The following CSMD3 variants were observed in gnomAD, a reference collection of about 807,000 sequenced individuals.
The protein encoded by CSMD3 is CUB and Sushi multiple domains 3, also known as CUB and sushi domain-containing protein 3.
In CSMD3, 177 loss-of-function variants were observed where a neutral mutation model predicts 435.2. That is an observed-to-expected ratio of 0.41 (90% CI 0.36 to 0.46). The LOEUF is 0.46. Among genes scored for constraint, CSMD3 ranks in the 20% least tolerant of loss-of-function variants. The pLI, the probability that CSMD3 is intolerant of heterozygous loss-of-function variation, is 0.34. For missense variants in CSMD3, 4,265 were observed against 4,504.6 expected (o/e 0.95, Z 1.52); for synonymous variants, 1,656 against 1,520.5 (o/e 1.09, Z -2.07).
intron 7 of CSMD3, among the ~76,000 whole-genome samples, chr8:112,975,422 C>T (rs907661171): frequency 6.6e-6 from 1 of 151,940 alleles, no homozygotes; most frequent in African/African-American, 2.4e-5. Flanking sequence ...ATCATGCAAA[C>T]GCTAAAAATT....
intron 3 of CSMD3, among the ~76,000 whole-genome samples, chr8:113,187,175 C>G (rs534971193): frequency 5.3e-5 from 8 of 149,950 alleles, no homozygotes; most frequent in Non-Finnish European, 8.9e-5. Context: ...TCTTCTTTTC[C>G]TTTTTCACCC....
chr8:113,165,687 T>A (rs1242458066), intron 4 of CSMD3, among the ~76,000 whole-genome samples: 2 of 151,906 alleles, frequency 1.3e-5, no homozygotes, highest in Non-Finnish European at 2.9e-5. Flanking sequence ...ACTAAAAAAA[T>A]ACACAGATGG....
chr8:113,358,662 G>C lies in CSMD3; in HGVS notation c.179-43869C>G, dbSNP rs181124737. Among the ~76,000 whole-genome samples the C allele has an allele frequency of 5.3e-5, 8 of 152,322 alleles. 1 individual carries two copies. Among genetic ancestry groups the C allele is most frequent in the Admixed American group, 2.6e-4 (4 of 15,302 alleles). On this transcript the variant is annotated intron_variant, in intron 1 of 70. Transcript: ENST00000297405. ...TTGGAGTATGATATGGAGAGAAAAA[G>C]AGAAACTGTTAGAAGGTATGTAGCA...
At chr8:113,273,779 A>G (rs1343197592) in intron 3 of CSMD3, among the ~76,000 whole-genome samples, 3 of 152,156 alleles carry the variant, frequency 2.0e-5, no homozygotes, top group Non-Finnish European at 2.9e-5. Flanking sequence ...GAATTTCACT[A>G]AACTATTACA....
At chr8:112,915,649 G>A (rs1219494782) in intron 10 of CSMD3, among the ~76,000 whole-genome samples, 1 of 151,488 alleles carries the variant, frequency 6.6e-6, no homozygotes, top group Non-Finnish European at 1.5e-5. Flanking sequence ...TATATACAAA[G>A]GTAGATTTTA....
intron 13 of CSMD3, among the ~76,000 whole-genome samples, chr8:112,703,842 G>A (rs1180985042): frequency 6.6e-6 from 1 of 152,098 alleles, no homozygotes. Context: ...AATATTTAGA[G>A]AGGTTTTGAG....
intron 10 of CSMD3, among the ~76,000 whole-genome samples, chr8:112,910,796 C>T (rs897602943): frequency 1.3e-5 from 2 of 151,842 alleles, no homozygotes; most frequent in African/African-American, 4.8e-5. Flanking sequence ...GTTTTTTCAC[C>T]TCATTATTTC....
At chr8:112,459,728 T>C (rs1391369888) in intron 32 of CSMD3, among the ~76,000 whole-genome samples, 4 of 152,154 alleles carry the variant, frequency 2.6e-5, no homozygotes, top group Non-Finnish European at 4.4e-5. Context: ...TAAGCATTTG[T>C]TGAATTGATT....
At chr8:112,708,590 A>G (rs1385171394) in intron 13 of CSMD3, among the ~76,000 whole-genome samples, 1 of 151,750 alleles carries the variant, frequency 6.6e-6, no homozygotes, top group Non-Finnish European at 1.5e-5. Context: ...AAGGTTAAAA[A>G]TAATATAAAA....
chr8:112,536,081 T>C (rs577490482), intron 27 of CSMD3, among the ~76,000 whole-genome samples: 21 of 152,148 alleles, frequency 1.4e-4, no homozygotes, highest in South Asian at 8.3e-4. Context: ...AGAAGAAAAC[T>C]TAGGCATTAG....
chr8:113,036,234 G>T (rs1365551480), intron 5 of CSMD3, among the ~76,000 whole-genome samples: 2 of 151,894 alleles, frequency 1.3e-5, no homozygotes, highest in Non-Finnish European at 2.9e-5. Flanking sequence ...GGTAAATGTT[G>T]AACATGAAAT....
At chr8:112,523,433 G>A (rs895949543) in intron 27 of CSMD3, among the ~76,000 whole-genome samples, 1 of 151,996 alleles carries the variant, frequency 6.6e-6, no homozygotes, top group Non-Finnish European at 1.5e-5. Flanking sequence ...TTTCTAAGCA[G>A]TAATTTTATA....
At chr8:113,400,372 T>A (rs1374056744) in intron 1 of CSMD3, among the ~76,000 whole-genome samples, 1 of 151,948 alleles carries the variant, frequency 6.6e-6, no homozygotes, top group African/African-American at 2.4e-5. Context: ...TGGCTAATAC[T>A]AGGGACGCAG....
At chr8:112,451,957 C>T (rs375971894) in intron 32 of CSMD3, among the ~76,000 whole-genome samples, 2 of 152,046 alleles carry the variant, frequency 1.3e-5, no homozygotes, top group Non-Finnish European at 2.9e-5. Flanking sequence ...TAGATACTAA[C>T]GTTTCCCATA....
At chr8:113,273,915 G>T (rs565616086) in intron 3 of CSMD3, among the ~76,000 whole-genome samples, 1 of 152,106 alleles carries the variant, frequency 6.6e-6, no homozygotes, top group South Asian at 2.1e-4. Flanking sequence ...TTATTTTCCT[G>T]TCTTATAAAT....
At chr8:112,526,296 C>T (rs978605731) in intron 27 of CSMD3, among the ~76,000 whole-genome samples, 6 of 151,662 alleles carry the variant, frequency 4.0e-5, no homozygotes, top group Admixed American at 3.9e-4. Context: ...CTTCAAAAAC[C>T]CAAACCTTTC....
At chr8:112,322,447 G>C (rs1033355303) in intron 45 of CSMD3, among the ~76,000 whole-genome samples, 1 of 152,022 alleles carries the variant, frequency 6.6e-6, no homozygotes, top group Non-Finnish European at 1.5e-5. Flanking sequence ...GTCCCTAGAA[G>C]CTAAGAGATC....
chr8:113,408,655 G>GT (rs143287470), intron 1 of CSMD3, among the ~76,000 whole-genome samples: 2,266 of 140,448 alleles, frequency 0.016, 8 homozygotes, highest in Non-Finnish European at 0.018. Context: ...GTGACAAGGA[G>GT]TTTTTTTTTT....
At chr8:112,730,938 C>T (rs548969627) in intron 13 of CSMD3, among the ~76,000 whole-genome samples, 25 of 152,184 alleles carry the variant, frequency 1.6e-4, no homozygotes, top group Admixed American at 5.2e-4. Context: ...CTAAGAGTGT[C>T]ATGATGCTAA....
Sources: allele counts gnomAD v4.1 joint callset (sites outside exome capture counted in the v4.1 genomes callset), GRCh38; gene constraint gnomAD v4.1.1; transcripts MANE v1.5; gene names NCBI Gene and HGNC (gene_info 2026-07-23, HGNC 2026-07-21).